Variants in ARL15 observed in about 807,000 individuals in gnomAD.
ARL15 encodes ADP-ribosylation factor-like protein 15.
ARL15 carries 19 observed loss-of-function variants against 25.2 expected under a neutral mutation model. That is an observed-to-expected ratio of 0.75 (90% CI 0.53 to 1.10). The LOEUF (loss-of-function observed/expected upper bound fraction) is 1.10. Among genes scored for constraint, ARL15 ranks in the 50% least tolerant of loss-of-function variants. ARL15 has a pLI of 0.00. For missense variants in ARL15, 220 were observed against 246.0 expected (o/e 0.89, Z 0.71); for synonymous variants, 94 against 86.8 (o/e 1.08, Z -0.46).
At chr5:54,098,412 A>G (rs923441040) in intron 4 of ARL15, among the ~76,000 whole-genome samples, 5 of 152,150 alleles carry the variant, frequency 3.3e-5, no homozygotes, top group African/African-American at 9.6e-5. Flanking sequence ...CTTTCTGTCT[A>G]GCCATCCTCC....
At chr5:54,033,796 T>C (rs1750081342) in intron 4 of ARL15, among the ~76,000 whole-genome samples, 1 of 152,156 alleles carries the variant, frequency 6.6e-6, no homozygotes, top group Non-Finnish European at 1.5e-5. Flanking sequence ...ATTAAAATTT[T>C]ACTGACAAAT....
At chr5:54,221,277 C>A (rs1287152231) in intron 1 of ARL15, among the ~76,000 whole-genome samples, 1 of 152,148 alleles carries the variant, frequency 6.6e-6, no homozygotes, top group East Asian at 1.9e-4. Flanking sequence ...TTTATGATGA[C>A]TTTGCTTTAA....
intron 4 of ARL15, among the ~76,000 whole-genome samples, chr5:54,104,979 T>A (rs1377623558): frequency 6.6e-6 from 1 of 151,828 alleles, no homozygotes; most frequent in Non-Finnish European, 1.5e-5. Flanking sequence ...GATTAACCCT[T>A]CTCATTAGTC....
chr5:54,164,551 A>G lies in ARL15; in HGVS notation c.193+7233T>C, dbSNP rs551179493. On this transcript the variant is annotated intron_variant, in intron 2 of 4. Transcript: ENST00000504924. ...CATATATTTTTAAGTTCTGTTAGGTACATAAATGTGTAGAATTATTACAGT... is the reference window on the plus strand; with the variant it reads ...CATATATTTTTAAGTTCTGTTAGGTGCATAAATGTGTAGAATTATTACAGT... Among the ~76,000 whole-genome samples the G allele has an allele frequency of 8.4e-4, 128 of 152,210 alleles. 1 individual carries two copies. The highest frequency in any genetic ancestry group is 3.1e-3 in the African/African-American group (128 of 41,572).
chr5:54,129,405 A>C (rs1373775672), intron 3 of ARL15, among the ~76,000 whole-genome samples: 1 of 152,220 alleles, frequency 6.6e-6, no homozygotes, highest in Non-Finnish European at 1.5e-5. Context: ...GTAAATCATT[A>C]TGTGGGTGAT....
intron 4 of ARL15, among the ~76,000 whole-genome samples, chr5:53,937,389 T>A (rs1398139897): frequency 6.6e-6 from 1 of 152,208 alleles, no homozygotes; most frequent in Non-Finnish European, 1.5e-5. Flanking sequence ...TTGTCTAGCA[T>A]AACTCTTATG....
At chr5:53,952,057 G>A (rs994879988) in intron 4 of ARL15, among the ~76,000 whole-genome samples, 2 of 151,832 alleles carry the variant, frequency 1.3e-5, no homozygotes, top group Admixed American at 6.6e-5. Flanking sequence ...CATGAGGTCA[G>A]TTCAAGACCA....
chr5:54,166,721 T>C (rs577650819), intron 2 of ARL15, among the ~76,000 whole-genome samples: 8 of 152,158 alleles, frequency 5.3e-5, no homozygotes, highest in Admixed American at 3.9e-4. Flanking sequence ...ATTGTCTCTA[T>C]GAACAGATAC....
chr5:54,138,009 A>G (rs1753658013), intron 3 of ARL15, among the ~76,000 whole-genome samples: 1 of 152,216 alleles, frequency 6.6e-6, no homozygotes, highest in African/African-American at 2.4e-5. Context: ...ACGCAGCCAA[A>G]TCAAATAACT....
intron 4 of ARL15, among the ~76,000 whole-genome samples, chr5:53,988,650 C>A (rs1042792599): frequency 6.6e-6 from 1 of 152,100 alleles, no homozygotes; most frequent in African/African-American, 2.4e-5. Context: ...CTCCAAAAGA[C>A]AATTTTACAG....
At chr5:54,305,106 T>C (rs1579997001) in intron 1 of ARL15, among the ~76,000 whole-genome samples, 1 of 152,176 alleles carries the variant, frequency 6.6e-6, no homozygotes, top group Admixed American at 6.5e-5. Context: ...ATTTTTATGA[T>C]GGCAGATACA....
chr5:54,229,509 A>C (rs950079896), intron 1 of ARL15, among the ~76,000 whole-genome samples: 12 of 152,212 alleles, frequency 7.9e-5, no homozygotes, highest in African/African-American at 1.4e-4. Flanking sequence ...ATGAAATAAA[A>C]TAGAGTTTAA....
intron 4 of ARL15, among the ~76,000 whole-genome samples, chr5:53,980,808 C>T (rs1328911640): frequency 6.6e-6 from 1 of 152,078 alleles, no homozygotes; most frequent in Non-Finnish European, 1.5e-5. Context: ...CTAATACACC[C>T]AAAGGCTTCT....
intron 1 of ARL15, among the ~76,000 whole-genome samples, chr5:54,276,031 C>T (rs1387975902): frequency 1.3e-5 from 2 of 152,112 alleles, no homozygotes; most frequent in Non-Finnish European, 2.9e-5. Flanking sequence ...GCTGAGACTA[C>T]TGGCACACAC....
intron 1 of ARL15, among the ~76,000 whole-genome samples, chr5:54,275,946 G>A (rs904905177): frequency 3.3e-5 from 5 of 151,416 alleles, no homozygotes; most frequent in Non-Finnish European, 5.9e-5. Context: ...GCCCACCTCG[G>A]CCTCCCAAAG....
chr5:54,113,553 T>C lies in ARL15; in HGVS notation c.254-143A>G, dbSNP rs1033621336. ...TGTGGTATGGATTAAAACAGGAATT[T>C]AGAAAAGGCAGAAATCACAGTGGAT... On this transcript the variant is annotated intron_variant, in intron 3 of 4. Transcript: ENST00000504924. 8 of 774,106 alleles carry C rather than the reference T, an allele frequency of 1.0e-5. No individual in the cohort carries two copies. In the African/African-American group the frequency reaches 1.1e-4, roughly 10 times the overall value. The allele number at this position is 774,106 out of a possible 1,614,324, so 48.0% of individuals were successfully genotyped here.
intron 4 of ARL15, among the ~76,000 whole-genome samples, chr5:54,080,272 G>A (rs985915335): frequency 2.0e-5 from 3 of 152,206 alleles, no homozygotes; most frequent in Admixed American, 1.3e-4. Context: ...GAGAGGTGAA[G>A]AGTTGAAAGG....
intron 4 of ARL15, among the ~76,000 whole-genome samples, chr5:54,105,982 A>G (rs917713504): frequency 3.9e-5 from 6 of 152,208 alleles, no homozygotes. Flanking sequence ...CATAAGTTCT[A>G]TAAGATAAAT....
At chr5:54,093,289 T>C (rs989192589) in intron 4 of ARL15, among the ~76,000 whole-genome samples, 1 of 152,172 alleles carries the variant, frequency 6.6e-6, no homozygotes. Context: ...TGTCCTGGCA[T>C]TGAGCCAAAT....
Sources: gnomAD v4.1 joint callset for allele counts (sites outside exome capture counted in the v4.1 genomes callset) on GRCh38, gnomAD v4.1.1 for gene constraint, MANE v1.5 for transcripts, NCBI Gene and HGNC (gene_info 2026-07-23, HGNC 2026-07-21) for gene names.